TPCN2: variants seen among roughly 807,000 people sequenced by gnomAD.
TPCN2 encodes two pore segment channel 2.
A neutral mutation model predicts 111.4 loss-of-function variants in TPCN2; 92 were observed. That is an observed-to-expected ratio of 0.83 (90% confidence interval 0.70 to 0.98). The LOEUF (loss-of-function observed/expected upper bound fraction) is 0.98. TPCN2 is among the 50% of genes least tolerant of loss of function. The pLI is 0.00. For synonymous variants in TPCN2, 405 were observed against 414.5 expected, an observed-to-expected ratio of 0.98 and a Z score of 0.28; for missense variants, 995 against 980.1, an observed-to-expected ratio of 1.02 and a Z score of -0.20.
intron 8 of TPCN2, among the ~76,000 whole-genome samples, chr11:69,069,096 T>C (rs1449045960): frequency 4.2e-5 from 4 of 95,748 alleles, no homozygotes; most frequent in Non-Finnish European, 6.6e-5. Flanking sequence ...GGAGCAGGAC[T>C]ATCTGAGTCC....
Position 69,079,025 on chromosome 11 carries a change from A to C in TPCN2, c.1539+5A>C. The stretch of plus-strand genomic sequence containing the variant: ...CTCCTCACCGTTGTCCTGCTGGTAA[A>C]GTAGGCGCATCCGAGGCCGGCCTCT... On this transcript the variant is annotated splice_donor_5th_base_variant and intron_variant, in intron 16 of 24. Coordinates refer to ENST00000294309, the MANE Select transcript of TPCN2 (RefSeq NM_139075.4). 6.2e-7 allele frequency: 1 copy of C among 1,607,176 alleles called. No homozygotes were observed. Among genetic ancestry groups the C allele is most frequent in the Non-Finnish European group, 8.5e-7 (1 of 1,176,374 alleles).
chr11:69,054,407 C>T (rs1854649183), intron 2 of TPCN2: 1 of 564,924 alleles, frequency 1.8e-6, no homozygotes, highest in East Asian at 2.9e-5. Context: ...GGAGGGTCAG[C>T]CTTGCACAGA....
intron 7 of TPCN2, 79 bp from the exon 8 acceptor site, chr11:69,067,424 C>G: frequency 7.4e-7 from 1 of 1,342,960 alleles, no homozygotes; most frequent in Admixed American, 1.7e-5. Flanking sequence ...TGGTTCCAGC[C>G]GGTTGGGTCC....
Position 69,087,076 on chromosome 11 carries a change from G to C in TPCN2, c.2086-36G>C, listed in dbSNP as rs76305483. 7.3e-3 allele frequency: 11,527 copies of C among 1,582,034 alleles called. 494 individuals are homozygous for C. In the East Asian group the frequency reaches 0.1, roughly 14 times the overall value. On this transcript the variant is annotated intron_variant, in intron 23 of 24. Transcript: ENST00000294309. ...ATGGGGCAAGGCTGCTTTCATTCGG[G>C]GCCCACACTCACTGGCCACTCCTCC...
At chr11:69,052,641 C>T (rs976999672) in intron 1 of TPCN2, among the ~76,000 whole-genome samples, 1 of 152,110 alleles carries the variant, frequency 6.6e-6, no homozygotes, top group African/African-American at 2.4e-5. Context: ...TGGGGCCCCT[C>T]ACACCTCTAA....
At chr11:69,074,217 T>C (rs555621517) in intron 13 of TPCN2, among the ~76,000 whole-genome samples, 8 of 152,328 alleles carry the variant, frequency 5.3e-5, no homozygotes, top group African/African-American at 1.9e-4. Context: ...TCCAGACCTC[T>C]GTAGTCAGGC....
intron 13 of TPCN2, among the ~76,000 whole-genome samples, chr11:69,074,895 G>T (rs1445618765): frequency 6.6e-6 from 1 of 152,206 alleles, no homozygotes. Flanking sequence ...TCCCTAGGGC[G>T]TGGTTGAGTC....
chr11:69,051,623 A>T (rs752998442), intron 1 of TPCN2, among the ~76,000 whole-genome samples: 2 of 152,220 alleles, frequency 1.3e-5, no homozygotes, highest in Non-Finnish European at 2.9e-5. Flanking sequence ...GGTGTGCCGG[A>T]TGCAGCATCT....
chr11:69,089,862 C>T lies in TPCN2; in HGVS notation c.*1909C>T, dbSNP rs954730942. 2 of 152,282 alleles carry T rather than the reference C, an allele frequency of 1.3e-5. No homozygotes were observed. The highest frequency in any genetic ancestry group is 2.9e-5 in the Non-Finnish European group (2 of 68,062). The allele number at this position is 152,282 out of a possible 1,614,324, so 9.4% of individuals were successfully genotyped here. On this transcript the variant is annotated 3_prime_UTR_variant, in exon 25 of 25. Transcript: ENST00000294309. ...TGTGGTCTGTTATGACATTTACTCT[C>T]AGGCTCAGGTCCTGCTTGTTTGGCC...
At chr11:69,070,800 C>G (rs1855492400) in intron 9 of TPCN2, among the ~76,000 whole-genome samples, 1 of 148,558 alleles carries the variant, frequency 6.7e-6, no homozygotes, top group African/African-American at 2.5e-5. Flanking sequence ...AGGGATCCCC[C>G]ACCAACAGCT....
At chr11:69,079,295 G>T in intron 16 of TPCN2, 1 of 477,226 alleles carries the variant, frequency 2.1e-6, no homozygotes, top group South Asian at 3.3e-5. Flanking sequence ...AGGACTTGTA[G>T]CCCTGGCCAG....
rs955794180 is a variant in TPCN2, at chr11:69,089,175, G to T, written c.*1222G>T. On this transcript the variant is annotated 3_prime_UTR_variant, in exon 25 of 25. Coordinates refer to ENST00000294309, the MANE Select transcript of TPCN2 (RefSeq NM_139075.4). ...GGCGACCCGAACAACAGTGCAGTCG[G>T]TATCGAGATTGGGGAGAGGAGCGAG... is the stretch of plus-strand genomic sequence containing the variant. 1.3e-5 allele frequency: 2 copies of T among 152,480 alleles called. No homozygotes were observed. Among genetic ancestry groups the T allele is most frequent in the South Asian group, 4.1e-4 (2 of 4,824 alleles). The allele number at this position is 152,480 out of a possible 1,614,324, so 9.4% of individuals were successfully genotyped here. A position where few individuals can be genotyped will look rare whatever the true frequency, so the allele number is the denominator to read the frequency against.
chr11:69,078,647 C>T (rs549284280), intron 14 of TPCN2, 46 bp downstream of exon 14: 91 of 1,613,342 alleles, frequency 5.6e-5, no homozygotes, highest in Admixed American at 2.3e-4. Context: ...TGCCGGTTCC[C>T]GCCCACCTTG....
At chr11:69,076,475 T>C (rs749959571) in intron 13 of TPCN2, among the ~76,000 whole-genome samples, 14 of 152,046 alleles carry the variant, frequency 9.2e-5, no homozygotes, top group Non-Finnish European at 1.8e-4. Flanking sequence ...GGACAGAGCG[T>C]GTCCAGATGT....
chr11:69,080,002 C>G, intron 17 of TPCN2, 119 bp downstream of exon 17: 1 of 895,748 alleles, frequency 1.1e-6, no homozygotes, highest in South Asian at 1.6e-5. Flanking sequence ...GGGCAGACCC[C>G]GTGATGGTGG....
At chr11:69,086,142 A>G (rs1171026561) in intron 22 of TPCN2, among the ~76,000 whole-genome samples, 1 of 151,884 alleles carries the variant, frequency 6.6e-6, no homozygotes, top group African/African-American at 2.4e-5. Context: ...GTGGCCAGTG[A>G]CTCTGGGTTT....
chr11:69,087,324 G>A (rs1856327876), intron 24 of TPCN2, 118 bp downstream of exon 24: 2 of 839,338 alleles, frequency 2.4e-6, no homozygotes, highest in Admixed American at 4.5e-5. Flanking sequence ...CCTCCGCCCG[G>A]TTATCTGGCT....
chr11:69,066,239 T>G (rs1423420930), intron 7 of TPCN2, among the ~76,000 whole-genome samples: 1 of 152,056 alleles, frequency 6.6e-6, no homozygotes, highest in Non-Finnish European at 1.5e-5. Flanking sequence ...AGTGCTGTGG[T>G]CCTGCCGTCC....
Position 69,088,077 on chromosome 11 carries a change from C to T in TPCN2, c.*124C>T. On this transcript the variant is annotated 3_prime_UTR_variant, in exon 25 of 25. Coordinates refer to ENST00000294309, the MANE Select transcript of TPCN2 (RefSeq NM_139075.4). ...AGGAAGAGACCTTTCCTCTGACGGA[C>T]CACTAAGCTGGGGACAGGAACCAAG... The T allele has an allele frequency of 2.5e-6, 2 of 785,212 alleles. No homozygotes were observed. Among genetic ancestry groups the T allele is most frequent in the Non-Finnish European group, 4.0e-6 (2 of 500,908 alleles). The allele number at this position is 785,212 out of a possible 1,614,324, so 48.6% of individuals were successfully genotyped here.
Sources: gnomAD v4.1 joint callset for allele counts (sites outside exome capture counted in the v4.1 genomes callset) on GRCh38, gnomAD v4.1.1 for gene constraint, MANE v1.5 for transcripts, NCBI Gene and HGNC (gene_info 2026-07-23, HGNC 2026-07-21) for gene names.